METTL24: variants seen among roughly 807,000 people sequenced by gnomAD.
The protein encoded by METTL24 is probable methyltransferase-like protein 24.
METTL24 carries 29 observed loss-of-function variants against 32.7 expected under a neutral mutation model. The ratio of observed to expected loss-of-function variants is 0.89; its 90% CI spans 0.66 to 1.21. METTL24 has a LOEUF of 1.21. Ranked by LOEUF, METTL24 falls within the 50% of genes most tolerant of loss-of-function variation. The pLI, the probability that METTL24 is intolerant of heterozygous loss-of-function variation, is 0.00. For synonymous variants in METTL24, 163 were observed against 179.5 expected, an observed-to-expected ratio of 0.91 and a Z score of 0.73; for missense variants, 439 against 468.1, an observed-to-expected ratio of 0.94 and a Z score of 0.57.
At position 110,245,325 on chromosome 6, in the gene METTL24, CT is replaced by C. The variant is rs1778133769; in HGVS notation, c.*620del. On this transcript the variant is annotated 3_prime_UTR_variant, in exon 5 of 5. Transcript: ENST00000338882. ...CTTCAGACTTGGTCTCGAACTGGAACTTACACCTTCGTGTTGAAGCTCTTGA... is the reference window on the plus strand; with the variant it reads ...CTTCAGACTTGGTCTCGAACTGGAACTACACCTTCGTGTTGAAGCTCTTGA... Among the ~76,000 whole-genome samples, 1 of 152,152 alleles carries C rather than the reference CT, an allele frequency of 6.6e-6. No homozygotes were observed. The highest frequency in any genetic ancestry group is 1.5e-5 in the Non-Finnish European group (1 of 68,042).
chr6:110,318,919 A>C (rs1771878547), intron 2 of METTL24, among the ~76,000 whole-genome samples: 1 of 152,236 alleles, frequency 6.6e-6, no homozygotes, highest in African/African-American at 2.4e-5. Flanking sequence ...AACTCAACTA[A>C]TTATGTTCTC....
intron 2 of METTL24, among the ~76,000 whole-genome samples, chr6:110,322,556 G>T (rs1771946603): frequency 6.6e-6 from 1 of 152,180 alleles, no homozygotes. Context: ...ATTTCAGGTT[G>T]GTGACACTCT....
At chr6:110,264,684 G>A (rs1168379421) in intron 4 of METTL24, among the ~76,000 whole-genome samples, 1 of 152,148 alleles carries the variant, frequency 6.6e-6, no homozygotes, top group African/African-American at 2.4e-5. Flanking sequence ...TATGTTTATT[G>A]TGGCACTATT....
Position 110,298,799 on chromosome 6 carries a change from TAGTAAG to T in METTL24, c.786+117_786+122del, listed in dbSNP as rs1771466664. On this transcript the variant is annotated intron_variant, in intron 4 of 4. Transcript: ENST00000338882. ...GACTCTATAAATAATGTTGGGTGAT[TAGTAAG>T]ATTAAAATCGGACCTTCAGCTATCC... is the stretch of plus-strand genomic sequence containing the variant. The T allele has an allele frequency of 5.3e-6, 4 of 752,408 alleles. No individual in the cohort carries two copies. In the South Asian group the frequency reaches 7.0e-5, roughly 13 times the overall value. The allele number at this position is 752,408 out of a possible 1,614,324, so 46.6% of individuals were successfully genotyped here. A position where few individuals can be genotyped will look rare whatever the true frequency, so the allele number is the denominator to read the frequency against.
At chr6:110,250,800 A>C (rs1778263321) in intron 4 of METTL24, among the ~76,000 whole-genome samples, 1 of 152,196 alleles carries the variant, frequency 6.6e-6, no homozygotes, top group Admixed American at 6.5e-5. Context: ...TGAAACCACC[A>C]TCGTGAAACC....
chr6:110,353,745 G>A (rs1772655526), intron 1 of METTL24, among the ~76,000 whole-genome samples: 1 of 152,054 alleles, frequency 6.6e-6, no homozygotes, highest in Non-Finnish European at 1.5e-5. Context: ...CTGAGTGAGT[G>A]TCTCTCTTTT....
In METTL24 at chr6:110,243,964, A is replaced by T. The variant is rs574338944; in HGVS notation, c.*1982T>A. On this transcript the variant is annotated 3_prime_UTR_variant, in exon 5 of 5. Transcript: ENST00000338882. ...GTGGTTTTTATGCTATTTATTTGAA[A>T]TAGAATTTTAGAAAATTATGCACGT... 3.9e-5 allele frequency among the ~76,000 whole-genome samples: 6 copies of T among 152,356 alleles called. No homozygotes were observed. In the South Asian group the frequency reaches 1.0e-3, roughly 26 times the overall value.
intron 4 of METTL24, among the ~76,000 whole-genome samples, chr6:110,248,874 A>G (rs1400676328): frequency 2.6e-5 from 4 of 152,126 alleles, no homozygotes; most frequent in Non-Finnish European, 5.9e-5. Context: ...AATTTTAAAC[A>G]GAATACTCCT....
chr6:110,333,488 G>A (rs1040316630), intron 1 of METTL24, among the ~76,000 whole-genome samples: 3 of 152,044 alleles, frequency 2.0e-5, no homozygotes, highest in Admixed American at 6.6e-5. Context: ...TTTGAGGGGA[G>A]TCTTGCTCAG....
At position 110,322,861 on chromosome 6, in the gene METTL24, C is replaced by T. The variant is rs1210423557; in HGVS notation, c.330G>A (p.Trp110Ter). Residue 110 changes from tryptophan (W) to a stop codon, truncating the protein, a stop_gained, in exon 2 of 5, where the codon TGG (tryptophan) becomes TGA (stop). Coordinates refer to ENST00000338882, the MANE Select transcript of METTL24 (RefSeq NM_001123364.3). LOFTEE classifies it high-confidence loss of function. ...CTGCCCAAGGCTGGAGATCTATATG[C>T]CACCGGGGACCCTGCAAGAGACAGA... ...RGRPRRKGPR[W>*]HIDLQPWAGS... 7 of 1,612,874 alleles carry T rather than the reference C, an allele frequency of 4.3e-6. No individual in the cohort carries two copies. The highest frequency in any genetic ancestry group is 5.9e-6 in the Non-Finnish European group (7 of 1,179,584).
chr6:110,275,574 T>C (rs1771033267), intron 4 of METTL24, among the ~76,000 whole-genome samples: 1 of 152,132 alleles, frequency 6.6e-6, no homozygotes, highest in Non-Finnish European at 1.5e-5. Flanking sequence ...AGTACTTTAT[T>C]ATATAATCTT....
rs547470056 is a variant in METTL24 at position 110,346,292 on chromosome 6, C to A, written c.318+11663G>T. Among the ~76,000 whole-genome samples the A allele has an allele frequency of 2.4e-3, 365 of 152,300 alleles. 3 individuals carry two copies. The Middle Eastern group carries it at 0.044, about 18-fold the overall frequency. ...CTGTGTGCCAGAACTATCATAGTCA[C>A]TGGGGATATCATGGTGAGTAAGACA... On this transcript the variant is annotated intron_variant, in intron 1 of 4. Transcript: ENST00000338882.
chr6:110,331,659 CAA>C (rs59304999), intron 1 of METTL24, among the ~76,000 whole-genome samples: 6 of 58,832 alleles, frequency 1.0e-4, no homozygotes, highest in East Asian at 4.9e-4. Flanking sequence ...GACCCTGCCT[CAA>C]AAAAAAAAAA....
chr6:110,318,485 TA>T (rs558564847), intron 2 of METTL24, among the ~76,000 whole-genome samples: 16 of 149,500 alleles, frequency 1.1e-4, no homozygotes, highest in Non-Finnish European at 7.4e-5. Context: ...CCGCCTTTAC[TA>T]AAAAAAAACA....
At chr6:110,274,701 A>T (rs964608387) in intron 4 of METTL24, among the ~76,000 whole-genome samples, 4 of 151,872 alleles carry the variant, frequency 2.6e-5, no homozygotes, top group Admixed American at 1.3e-4. Flanking sequence ...GTAAAAATAC[A>T]ACTAAGGCAG....
At chr6:110,281,479 A>G (rs149741200) in intron 4 of METTL24, among the ~76,000 whole-genome samples, 1,536 of 151,990 alleles carry the variant, frequency 0.01, 9 homozygotes, top group African/African-American at 0.026. Flanking sequence ...CGTCTCTACT[A>G]AAAATACAAA....
rs1457105210 is a variant in METTL24 at position 110,357,938 on chromosome 6, AC to A, written c.318+16del. 1 of 1,206,766 alleles carries A rather than the reference AC, an allele frequency of 8.3e-7. No homozygotes were observed. The highest frequency in any genetic ancestry group is 3.4e-5 in the East Asian group (1 of 29,482). The allele number at this position is 1,206,766 out of a possible 1,614,324, so 74.8% of individuals were successfully genotyped here. On this transcript the variant is annotated intron_variant, in intron 1 of 4. Coordinates refer to ENST00000338882, the MANE Select transcript of METTL24 (RefSeq NM_001123364.3). Reference sequence around the variant, plus strand: ...GCTTCTGGTCCCAGGCCCAAGACCGACCGCTTTGCAACTGACCTTCCGGCGG... The same window carrying A: ...GCTTCTGGTCCCAGGCCCAAGACCGACGCTTTGCAACTGACCTTCCGGCGG...
rs996714564 is a variant in METTL24 at position 110,308,201 on chromosome 6, G to A, written c.557+7141C>T. The stretch of plus-strand genomic sequence containing the variant: ...AGCAGTAAAAGTTCTTGAGGGAGGG[G>A]TGCCCTTTCCCAAATTGTATGAAGG... On this transcript the variant is annotated intron_variant, in intron 3 of 4. Coordinates refer to ENST00000338882, the MANE Select transcript of METTL24 (RefSeq NM_001123364.3). Among the ~76,000 whole-genome samples, 6 of 152,136 alleles carry A rather than the reference G, an allele frequency of 3.9e-5. No homozygotes were observed. The East Asian group carries it at 1.2e-3, about 29-fold the overall frequency.
At chr6:110,277,375 A>G (rs978138825) in intron 4 of METTL24, among the ~76,000 whole-genome samples, 2 of 152,200 alleles carry the variant, frequency 1.3e-5, no homozygotes, top group African/African-American at 4.8e-5. Context: ...TACAAGAATA[A>G]TTTCAAGGAA....
Sources: gnomAD v4.1 joint callset for allele counts (sites outside exome capture counted in the v4.1 genomes callset) on GRCh38, gnomAD v4.1.1 for gene constraint, MANE v1.5 for transcripts, NCBI Gene and HGNC (gene_info 2026-07-23, HGNC 2026-07-21) for gene names.